The following ACSM4 variants were observed in gnomAD, a reference collection of about 807,000 sequenced individuals.
ACSM4 encodes acyl-coenzyme A synthetase ACSM4, mitochondrial.
In ACSM4, 66 loss-of-function variants were observed where a neutral mutation model predicts 73.0. That is an observed-to-expected ratio of 0.90 (90% CI 0.74 to 1.11). The LOEUF (loss-of-function observed/expected upper bound fraction) is 1.11, where lower values mean the gene tolerates loss of function less well. Ranked by LOEUF, ACSM4 falls within the 50% of genes least tolerant of loss-of-function variation. The pLI, the probability that ACSM4 is intolerant of heterozygous loss-of-function variation, is 0.00. For synonymous variants in ACSM4, 222 were observed against 254.0 expected (o/e 0.87, Z 1.20); for missense variants, 645 against 714.4 (o/e 0.90, Z 1.11).
At chr12:7,326,072 A>G (rs1591847751) in intron 11 of ACSM4, among the ~76,000 whole-genome samples, 1 of 152,352 alleles carries the variant, frequency 6.6e-6, no homozygotes, top group South Asian at 2.1e-4. Flanking sequence ...TAAATAATAT[A>G]AATTATGCTT....
chr12:7,317,615 G>C (rs139585666), intron 4 of ACSM4, among the ~76,000 whole-genome samples: 1 of 152,158 alleles, frequency 6.6e-6, no homozygotes, highest in East Asian at 1.9e-4. Context: ...TTTTCCTCAT[G>C]GCATTTATAC....
chr12:7,323,698 C>T (rs1591846540), intron 9 of ACSM4, 138 bp downstream of exon 9: 2 of 732,956 alleles, frequency 2.7e-6, no homozygotes, highest in East Asian at 2.7e-5. Context: ...TCATCTGTCA[C>T]CCAAGAGTAC....
intron 3 of ACSM4, among the ~76,000 whole-genome samples, chr12:7,315,352 TG>T (rs1170898962): frequency 6.6e-6 from 1 of 152,178 alleles, no homozygotes; most frequent in African/African-American, 2.4e-5. Flanking sequence ...GGCTTACGCC[TG>T]TAATCCCAGC....
At chr12:7,312,497 C>A (rs1262914310) in intron 3 of ACSM4, among the ~76,000 whole-genome samples, 3 of 152,038 alleles carry the variant, frequency 2.0e-5, no homozygotes, top group Non-Finnish European at 4.4e-5. Flanking sequence ...GACATGCAAA[C>A]CCTGCTGAAT....
chr12:7,322,646 G>C lies in ACSM4; in HGVS notation c.1125+105G>C, dbSNP rs1193392253. 2.0e-5 allele frequency: 28 copies of C among 1,411,934 alleles called. No homozygotes were observed. The East Asian group carries it at 6.9e-4, about 35-fold the overall frequency. The allele number at this position is 1,411,934 out of a possible 1,614,324, so 87.5% of individuals were successfully genotyped here. ...CCCCATCCCACTGTAAATTTTTATAGAGTTTCCCGGGATACCTCACCTTGC... is the reference window on the plus strand; with the variant it reads ...CCCCATCCCACTGTAAATTTTTATACAGTTTCCCGGGATACCTCACCTTGC... On this transcript the variant is annotated intron_variant, in intron 7 of 12. Coordinates refer to ENST00000399422, the MANE Select transcript of ACSM4 (RefSeq NM_001080454.2).
At chr12:7,327,583 G>T (rs1459271857) in intron 12 of ACSM4, among the ~76,000 whole-genome samples, 1 of 152,148 alleles carries the variant, frequency 6.6e-6, no homozygotes. Context: ...ACAATACTAC[G>T]TAAATACATG....
In ACSM4 at chr12:7,323,557, T is replaced by C. The variant is rs61742705; in HGVS notation, c.1305T>C (p.Tyr435=). The part of the protein sequence containing the change: ...PTRPFCFFSK[Y]VDNPQKTAAT... Reference sequence around the variant, plus strand: ...GGCCCTTCTGTTTCTTCTCTAAATATGTGGTATGAGGATAGAAAGTGCTGG... The same window carrying C: ...GGCCCTTCTGTTTCTTCTCTAAATACGTGGTATGAGGATAGAAAGTGCTGG... Residue 435 remains tyrosine (Y), a synonymous_variant, in exon 9 of 13, where the codon TAT becomes TAC. Coordinates refer to ENST00000399422, the MANE Select transcript of ACSM4 (RefSeq NM_001080454.2). The C allele has an allele frequency of 4.5e-3, 7,274 of 1,611,918 alleles. 20 individuals carry two copies. Among genetic ancestry groups the C allele is most frequent in the Non-Finnish European group, 5.6e-3 (6,548 of 1,178,094 alleles).
At chr12:7,305,404 G>A (rs867330913) in intron 1 of ACSM4, among the ~76,000 whole-genome samples, 22 of 152,238 alleles carry the variant, frequency 1.4e-4, no homozygotes, top group South Asian at 6.2e-4. Flanking sequence ...TCCATGTAGC[G>A]AAGTATACAA....
chr12:7,306,616 C>G lies in ACSM4; in HGVS notation c.285C>G (p.Gly95=). 6.2e-7 allele frequency: 1 copy of G among 1,604,080 alleles called. No homozygotes were observed. The highest frequency in any genetic ancestry group is 8.5e-7 in the Non-Finnish European group (1 of 1,175,418). The change falls in exon 2 of 13, where the codon GGC becomes GGG. Residue 95 remains glycine, a synonymous_variant. Transcript: ENST00000399422. The part of the protein sequence containing the change: ...DEVKWSFREL[G]SLSRKAANVL... ...TAAAATGGAGCTTCAGAGAACTGGG[C>G]TCCTTGTCCCGAAAAGCTGCCAACG... is the stretch of plus-strand genomic sequence containing the variant.
rs7966666 is a variant in ACSM4, at chr12:7,327,183, G to A, written c.1656+88G>A. 3.6e-4 allele frequency: 510 copies of A among 1,407,910 alleles called. 3 individuals carry two copies. The African/African-American group carries it at 6.9e-3, about 19-fold the overall frequency. The allele number at this position is 1,407,910 out of a possible 1,614,324, so 87.2% of individuals were successfully genotyped here. On this transcript the variant is annotated intron_variant, in intron 12 of 12. Transcript: ENST00000399422. ...GATTTTACTGGATTTTGATTTTATA[G>A]TAGCTCATTATATAGGTAGAAGACA...
intron 6 of ACSM4, among the ~76,000 whole-genome samples, chr12:7,321,641 C>T (rs1166273091): frequency 4.6e-5 from 7 of 152,208 alleles, no homozygotes; most frequent in Non-Finnish European, 1.0e-4. Context: ...TTGTATTCTA[C>T]CCACACCCTC....
intron 5 of ACSM4, 115 bp from the exon 6 acceptor site, chr12:7,320,610 G>A: frequency 2.5e-6 from 2 of 801,074 alleles, no homozygotes; most frequent in Non-Finnish European, 4.1e-6. Context: ...ATTCCTAGTA[G>A]TGACCACGGG....
At chr12:7,323,194 A>C in intron 7 of ACSM4, 40 bp from the exon 8 acceptor site, 1 of 1,529,460 alleles carries the variant, frequency 6.5e-7, no homozygotes, top group African/African-American at 1.4e-5. Flanking sequence ...TTCAGAATAT[A>C]AACTTTTGTA....
At chr12:7,323,422 A>T (rs1199016776) in intron 8 of ACSM4, 37 bp from the exon 9 acceptor site, 2 of 1,608,880 alleles carry the variant, frequency 1.2e-6, no homozygotes, top group Non-Finnish European at 1.7e-6. Flanking sequence ...TTGTGAAAAG[A>T]AAATTTTAAG....
At chr12:7,312,127 C>T (rs1468975653) in intron 3 of ACSM4, among the ~76,000 whole-genome samples, 1 of 152,116 alleles carries the variant, frequency 6.6e-6, no homozygotes, top group Non-Finnish European at 1.5e-5. Flanking sequence ...GCTATCTGCC[C>T]CTTTACAGAA....
At chr12:7,315,703 A>G (rs1946416850) in intron 3 of ACSM4, among the ~76,000 whole-genome samples, 1 of 152,230 alleles carries the variant, frequency 6.6e-6, no homozygotes. Flanking sequence ...TTGAGTAACA[A>G]ACCATCCCAG....
intron 3 of ACSM4, among the ~76,000 whole-genome samples, chr12:7,312,894 A>G (rs950559937): frequency 1.3e-5 from 2 of 152,312 alleles, no homozygotes; most frequent in Admixed American, 6.5e-5. Context: ...TTGAATATGC[A>G]TCTCCACTAG....
rs895552917 is a variant in ACSM4 at position 7,322,297 on chromosome 12, T to C, written c.1002-121T>C. On this transcript the variant is annotated intron_variant, in intron 6 of 12. Coordinates refer to ENST00000399422, the MANE Select transcript of ACSM4 (RefSeq NM_001080454.2). ...AGGTGTTCAACAAGTATTTGTTGAA[T>C]GAACTTTGCTAAGACTTGCCTCTCC... 42 of 1,372,430 alleles carry C rather than the reference T, an allele frequency of 3.1e-5. 1 individual carries two copies. The highest frequency in any genetic ancestry group is 4.0e-5 in the Non-Finnish European group (39 of 973,952). The allele number at this position is 1,372,430 out of a possible 1,614,324, so 85.0% of individuals were successfully genotyped here.
intron 12 of ACSM4, 29 bp downstream of exon 12, chr12:7,327,124 G>C: frequency 1.3e-6 from 2 of 1,568,302 alleles, no homozygotes; most frequent in Non-Finnish European, 1.7e-6. Context: ...AGTTAAGTTT[G>C]GATGTTACCA....
Sources: gnomAD v4.1 joint callset for allele counts (sites outside exome capture counted in the v4.1 genomes callset) on GRCh38, gnomAD v4.1.1 for gene constraint, MANE v1.5 for transcripts, NCBI Gene and HGNC (gene_info 2026-07-23, HGNC 2026-07-21) for gene names.